The following WNK1 variants were observed in gnomAD, a reference collection of about 807,000 sequenced individuals.
WNK1 encodes the protein WNK lysine deficient protein kinase 1, also known as serine/threonine-protein kinase WNK1.
WNK1 carries 38 observed loss-of-function variants against 222.8 expected under a neutral mutation model. That is an observed-to-expected ratio of 0.17 (90% confidence interval 0.13 to 0.22). The LOEUF is 0.22. WNK1 is among the 10% of genes least tolerant of loss of function. The pLI is 1.00. For synonymous variants in WNK1, 1,090 were observed against 1,092.9 expected (o/e 1.00, Z 0.05); for missense variants, 2,348 against 2,918.4 (o/e 0.80, Z 4.50).
intron 2 of WNK1, 128 bp from the exon 3 acceptor site, chr12:826,914 G>C: frequency 1.4e-6 from 1 of 712,532 alleles, no homozygotes; most frequent in Non-Finnish European, 2.4e-6. Flanking sequence ...TTAACCTTTA[G>C]TGTTACTGAA....
intron 26 of WNK1, among the ~76,000 whole-genome samples, chr12:905,824 T>C (rs1955649544): frequency 1.3e-5 from 2 of 152,208 alleles, no homozygotes; most frequent in African/African-American, 4.8e-5. Context: ...CCCTTCACAC[T>C]GTATGTGCAA....
chr12:795,481 G>C (rs1443133072), intron 1 of WNK1, among the ~76,000 whole-genome samples: 3 of 151,938 alleles, frequency 2.0e-5, no homozygotes, highest in African/African-American at 7.3e-5. Context: ...TCAGAGATCT[G>C]ATGGTTTGAT....
chr12:842,512 C>G (rs939777131), intron 4 of WNK1, among the ~76,000 whole-genome samples: 1 of 151,886 alleles, frequency 6.6e-6, no homozygotes, highest in African/African-American at 2.4e-5. Context: ...AGGTATTTCC[C>G]CTTAATTTTT....
intron 1 of WNK1, among the ~76,000 whole-genome samples, chr12:806,312 T>G (rs764657404): frequency 6.6e-6 from 1 of 152,212 alleles, no homozygotes; most frequent in Non-Finnish European, 1.5e-5. Flanking sequence ...GGGTTGTTTT[T>G]GGAAAGTATT....
intron 26 of WNK1, among the ~76,000 whole-genome samples, chr12:905,770 T>C (rs1014230810): frequency 6.6e-6 from 1 of 152,230 alleles, no homozygotes; most frequent in Admixed American, 6.5e-5. Flanking sequence ...TGTGCTCTCA[T>C]GCTTCTCCCC....
intron 3 of WNK1, among the ~76,000 whole-genome samples, chr12:829,310 A>G (rs968956004): frequency 6.6e-6 from 1 of 152,116 alleles, no homozygotes; most frequent in Non-Finnish European, 1.5e-5. Flanking sequence ...TGCCTGTAGG[A>G]TGTCCCTCAC....
intron 8 of WNK1, among the ~76,000 whole-genome samples, chr12:866,841 C>T (rs1032943952): frequency 1.2e-4 from 19 of 152,038 alleles, no homozygotes; most frequent in Non-Finnish European, 1.9e-4. Flanking sequence ...TTCATGGTTA[C>T]GGCCGGGCTC....
chr12:869,157 C>T, intron 8 of WNK1: 3 of 1,595,364 alleles, frequency 1.9e-6, no homozygotes, highest in Non-Finnish European at 2.6e-6. Context: ...TGCACCATAA[C>T]ATTTAAATTT....
chr12:758,301 G>A (rs1420323413), intron 1 of WNK1, among the ~76,000 whole-genome samples: 1 of 140,076 alleles, frequency 7.1e-6, no homozygotes, highest in Non-Finnish European at 1.6e-5. Flanking sequence ...TTTGTGAATA[G>A]TATAGCAGTG....
intron 23 of WNK1, 43 bp from the exon 24 acceptor site, chr12:896,028 A>T (rs770388238): frequency 2.5e-6 from 4 of 1,612,006 alleles, no homozygotes; most frequent in Non-Finnish European, 3.4e-6. Flanking sequence ...TAGAAATTGG[A>T]TATTGAGAAC....
chr12:868,966 C>T (rs763252275), intron 8 of WNK1: 19 of 1,589,324 alleles, frequency 1.2e-5, no homozygotes, highest in Middle Eastern at 3.4e-4. Flanking sequence ...TTGGCTCTGA[C>T]GTCTCAATGC....
rs1265959857 is a variant in WNK1, at chr12:878,365, A to G, written c.2373+4A>G. ...TCAAGTATCAGCTGGAAAACAGGTA[A>G]ACTTTTTTTTTTTTTTTAAACAGGT... is the stretch of plus-strand genomic sequence containing the variant. On this transcript the variant is annotated splice_donor_region_variant and intron_variant, in intron 10 of 27. Transcript: ENST00000315939. The G allele has an allele frequency of 3.9e-6, 6 of 1,556,860 alleles. No individual in the cohort carries two copies. In the East Asian group the frequency reaches 7.1e-5, roughly 18 times the overall value.
chr12:877,078 T>A (rs1307798742), intron 9 of WNK1, among the ~76,000 whole-genome samples: 1 of 76,460 alleles, frequency 1.3e-5, no homozygotes, highest in East Asian at 4.6e-4. Context: ...TTTTTTTTTT[T>A]TGGAGACAGA....
intron 1 of WNK1, among the ~76,000 whole-genome samples, chr12:784,582 A>G (rs907718416): frequency 6.6e-6 from 1 of 152,232 alleles, no homozygotes; most frequent in Admixed American, 6.5e-5. Flanking sequence ...TACAAATTTA[A>G]TAAGTTGTCC....
At chr12:879,513 C>CTTTTTTTTTTTTTTTTTTTTTTTTT in intron 10 of WNK1, 60 bp from the exon 11 acceptor site, 3 of 403,028 alleles carry the variant, frequency 7.4e-6, no homozygotes, top group Non-Finnish European at 1.1e-5. Context: ...GGCAGCCTTG[C>CTTTTTTTTTTTTTTTTTTTTTTTTT]TTTTTTTTTT....
chr12:863,341 C>T (rs532681540), intron 8 of WNK1, among the ~76,000 whole-genome samples: 2 of 152,130 alleles, frequency 1.3e-5, no homozygotes, highest in South Asian at 4.2e-4. Flanking sequence ...AATGAATGGC[C>T]ACAGTAACAC....
intron 7 of WNK1, 48 bp downstream of exon 7, chr12:861,391 G>A: frequency 6.3e-7 from 1 of 1,583,424 alleles, no homozygotes; most frequent in Non-Finnish European, 8.7e-7. Flanking sequence ...TCTCCTAATT[G>A]GTTTTTTTAG....
intron 8 of WNK1, chr12:869,236 C>T (rs1422778586): frequency 7.4e-7 from 1 of 1,358,682 alleles, no homozygotes; most frequent in Non-Finnish European, 1.0e-6. Context: ...TAGAGTTTCC[C>T]CATCTTTGGG....
intron 9 of WNK1, among the ~76,000 whole-genome samples, chr12:874,334 G>C (rs1952428862): frequency 6.6e-6 from 1 of 151,958 alleles, no homozygotes; most frequent in Non-Finnish European, 1.5e-5. Flanking sequence ...AGATCATCAT[G>C]TACTTCTGGC....
Sources: gnomAD v4.1 joint callset for allele counts (sites outside exome capture counted in the v4.1 genomes callset) on GRCh38, gnomAD v4.1.1 for gene constraint, MANE v1.5 for transcripts, NCBI Gene and HGNC (gene_info 2026-07-23, HGNC 2026-07-21) for gene names.